The following CNRIP1 variants were observed in gnomAD, a reference collection of about 807,000 sequenced individuals.
The protein encoded by CNRIP1 is cannabinoid receptor interacting protein 1.
A neutral mutation model predicts 15.2 loss-of-function variants in CNRIP1; 10 were observed. The ratio of observed to expected loss-of-function variants is 0.66; its 90% CI spans 0.41 to 1.12. CNRIP1 has a LOEUF of 1.12. CNRIP1 is among the 50% of genes most tolerant of loss of function. CNRIP1 has a pLI of 0.00. For missense variants in CNRIP1, 211 were observed against 214.7 expected (o/e 0.98, Z 0.11); for synonymous variants, 91 against 83.2 (o/e 1.09, Z -0.51).
chr2:68,285,298 TC>T (rs1039594762), intron 2 of CNRIP1, among the ~76,000 whole-genome samples: 1 of 134,562 alleles, frequency 7.4e-6, no homozygotes, highest in Non-Finnish European at 1.5e-5. Flanking sequence ...ACAATCTCCC[TC>T]CCAAGATAGA....
chr2:68,307,306 T>C (rs940928898), intron 2 of CNRIP1, among the ~76,000 whole-genome samples: 1 of 152,216 alleles, frequency 6.6e-6, no homozygotes, highest in Non-Finnish European at 1.5e-5. Flanking sequence ...ATATATTGTC[T>C]AACTACATAT....
intron 2 of CNRIP1, among the ~76,000 whole-genome samples, chr2:68,302,343 C>A (rs924591088): frequency 6.6e-6 from 1 of 152,206 alleles, no homozygotes; most frequent in Non-Finnish European, 1.5e-5. Context: ...ATATACCTCC[C>A]TGCCTTCTTC....
rs1475148477 is a variant in CNRIP1 at position 68,305,272 on chromosome 2, ATATGTGTGTG to A, written c.331-11256_331-11247del. The stretch of plus-strand genomic sequence containing the variant: ...AAAAAAAAAAAAAATATATATATAT[ATATGTGTGTG>A]TGTGTGTGTGTGTGTGTGTGTGTGT... On this transcript the variant is annotated intron_variant, in intron 2 of 2. Coordinates refer to ENST00000263655, the MANE Select transcript of CNRIP1 (RefSeq NM_015463.3). Among the ~76,000 whole-genome samples, 242 of 69,020 alleles carry A rather than the reference ATATGTGTGTG, an allele frequency of 3.5e-3. 6 individuals are homozygous for A. The highest frequency in any genetic ancestry group is 0.01 in the African/African-American group (231 of 22,328). The allele number at this position is 69,020 out of a possible 152,430, so 45.3% of individuals were successfully genotyped here.
Position 68,297,521 on chromosome 2 carries a change from T to A in CNRIP1, c.331-3495A>T, listed in dbSNP as rs1022739993. 4.3e-5 allele frequency among the ~76,000 whole-genome samples: 6 copies of A among 138,042 alleles called. No individual in the cohort carries two copies. In the Admixed American group the frequency reaches 4.7e-4, roughly 11 times the overall value. The allele number at this position is 138,042 out of a possible 152,430, so 90.6% of individuals were successfully genotyped here. ...AGGCAGAGGTTGCAGTGAGCTGAGA[T>A]CTTGCCACTGCATTTTAGCCTGGGC... is the stretch of plus-strand genomic sequence containing the variant. On this transcript the variant is annotated intron_variant, in intron 2 of 2. Coordinates refer to ENST00000263655, the MANE Select transcript of CNRIP1 (RefSeq NM_015463.3).
intron 2 of CNRIP1, among the ~76,000 whole-genome samples, chr2:68,303,523 AGCAGGTTG>A (rs1671697676): frequency 6.6e-6 from 1 of 152,202 alleles, no homozygotes; most frequent in African/African-American, 2.4e-5. Context: ...CTCTGGTCTT[AGCAGGTTG>A]GATTCACACT....
downstream of CNRIP1, among the ~76,000 whole-genome samples, chr2:68,290,106 G>A (rs966005222): frequency 8.5e-5 from 12 of 141,088 alleles, no homozygotes; most frequent in South Asian, 4.4e-4. Context: ...CCGGCTCACT[G>A]CAACCTCCTC....
chr2:68,316,567 A>G (rs1173754644), intron 2 of CNRIP1: 2 of 151,204 alleles, frequency 1.3e-5, no homozygotes, highest in African/African-American at 4.9e-5. Flanking sequence ...CCATATTACC[A>G]GGGTATATCA....
intron 2 of CNRIP1, among the ~76,000 whole-genome samples, chr2:68,315,329 T>C (rs934485188): frequency 6.6e-6 from 1 of 152,192 alleles, no homozygotes; most frequent in Non-Finnish European, 1.5e-5. Flanking sequence ...CTATACCTAG[T>C]GCAGAGAGAA....
At chr2:68,286,740 G>T (rs1671040255) in intron 2 of CNRIP1, among the ~76,000 whole-genome samples, 1 of 152,158 alleles carries the variant, frequency 6.6e-6, no homozygotes, top group Non-Finnish European at 1.5e-5. Context: ...GAGGCCAAGG[G>T]TCTATAAACT....
intron 2 of CNRIP1, among the ~76,000 whole-genome samples, chr2:68,314,236 T>TC (rs112072472): frequency 0.037 from 5,595 of 151,846 alleles, 365 homozygotes; most frequent in African/African-American, 0.13. Flanking sequence ...TCACCACTCT[T>TC]CCCCCTGAGT....
chr2:68,301,985 A>G lies in CNRIP1; in HGVS notation c.331-7959T>C, dbSNP rs141810338. 1.4e-3 allele frequency among the ~76,000 whole-genome samples: 217 copies of G among 152,046 alleles called. 1 individual carries two copies. The highest frequency in any genetic ancestry group is 4.9e-3 in the African/African-American group (203 of 41,508). ...AGCAAGGCTTCAGGATACAATATTA[A>G]CTTATAAAATTCATATTTCATAAAG... On this transcript the variant is annotated intron_variant, in intron 2 of 2. Transcript: ENST00000263655.
intron 2 of CNRIP1, among the ~76,000 whole-genome samples, chr2:68,311,635 T>C (rs1038481576): frequency 1.3e-5 from 2 of 150,692 alleles, no homozygotes; most frequent in African/African-American, 4.9e-5. Flanking sequence ...ATTAGCTGGG[T>C]ATGGTGGTGC....
At position 68,293,954 on chromosome 2, in the gene CNRIP1, G is replaced by A. The variant is rs777438241; in HGVS notation, c.403C>T (p.Gln135Ter). 2.5e-6 allele frequency: 4 copies of A among 1,614,110 alleles called. No homozygotes were observed. The South Asian group carries it at 4.4e-5, about 18-fold the overall frequency. ...ATGACAGAGAAGGGGCTTCCCCACT[G>A]GCAGTGATCCCGCTTGTGGTAATTG... ...FYNYHKRDHC[Q>*]WGSPFSVIEY... Residue 135 changes from glutamine (Q) to a stop codon, truncating the protein, a stop_gained, in exon 3 of 3, where the codon CAG (glutamine) becomes TAG (stop). Transcript: ENST00000263655. LOFTEE classifies it high-confidence loss of function.
intron 2 of CNRIP1, among the ~76,000 whole-genome samples, chr2:68,306,462 C>G (rs900790633): frequency 2.0e-5 from 3 of 152,042 alleles, no homozygotes; most frequent in African/African-American, 7.3e-5. Flanking sequence ...TCTAAGGCCA[C>G]TTTTAGCTCT....
rs34952922 is a variant in CNRIP1, at chr2:68,304,401, C to CAAAAAA, written c.331-10381_331-10376dup. Among the ~76,000 whole-genome samples the CAAAAAA allele has an allele frequency of 5.1e-4, 76 of 148,326 alleles. 1 individual carries two copies. The highest frequency in any genetic ancestry group is 1.9e-3 in the African/African-American group (75 of 40,222). On this transcript the variant is annotated intron_variant, in intron 2 of 2. Coordinates refer to ENST00000263655, the MANE Select transcript of CNRIP1 (RefSeq NM_015463.3). ...TGGGTGACAGAGTGAGACTCCATCT[C>CAAAAAA]AAAAAAAAAATAAAGTTGGAGAGCC...
At chr2:68,284,295 T>C (rs1320153820) in exon 3 of CNRIP1, 3 of 548,674 alleles carry the variant, frequency 5.5e-6, no homozygotes, top group Non-Finnish European at 9.2e-6. Flanking sequence ...AGTTTAGGAA[T>C]CTACATTTTA....
At chr2:68,303,455 G>C (rs981982971) in intron 2 of CNRIP1, among the ~76,000 whole-genome samples, 2 of 152,162 alleles carry the variant, frequency 1.3e-5, no homozygotes, top group Non-Finnish European at 2.9e-5. Context: ...CTGGCTTGGG[G>C]AGACCTGAGC....
chr2:68,319,253 C>T lies in CNRIP1; in HGVS notation c.148G>A (p.Val50Met). 1.3e-6 allele frequency: 2 copies of T among 1,549,774 alleles called. No individual in the cohort carries two copies. Among genetic ancestry groups the T allele is most frequent in the Non-Finnish European group, 1.7e-6 (2 of 1,146,762 alleles). The change falls in exon 1 of 3, where the codon GTG becomes ATG. Residue 50 changes from valine (V) to methionine (M), a missense_variant. By Grantham distance (21) the Val-to-Met change is conservative. Coordinates refer to ENST00000263655, the MANE Select transcript of CNRIP1 (RefSeq NM_015463.3). ...TGCAGCGTGCTGGGTTTAATCTTCA[C>T]CTCAACCTTGTAGGAGGAGCCGGTG... ...LLTGSSYKVE[V>M]KIKPSTLQVE...
chr2:68,309,976 TATGC>T (rs1321614193), intron 2 of CNRIP1, among the ~76,000 whole-genome samples: 1 of 152,164 alleles, frequency 6.6e-6, no homozygotes, highest in Non-Finnish European at 1.5e-5. Flanking sequence ...TGTATGTATG[TATGC>T]ATGCATGTAT....
Sources: gnomAD v4.1 joint callset for allele counts (sites outside exome capture counted in the v4.1 genomes callset) on GRCh38, gnomAD v4.1.1 for gene constraint, MANE v1.5 for transcripts, NCBI Gene and HGNC (gene_info 2026-07-23, HGNC 2026-07-21) for gene names.